FAM120A: variants seen among roughly 807,000 people sequenced by gnomAD.
FAM120A encodes the protein constitutive coactivator of PPAR-gamma-like protein 1.
A neutral mutation model predicts 109.7 loss-of-function variants in FAM120A; 15 were observed. The ratio of observed to expected loss-of-function variants is 0.14; its 90% CI spans 0.09 to 0.21. The LOEUF (loss-of-function observed/expected upper bound fraction) is 0.21. FAM120A is among the 10% of genes least tolerant of loss of function. FAM120A has a pLI of 1.00. For synonymous variants in FAM120A, 493 were observed against 572.8 expected, an observed-to-expected ratio of 0.86 and a Z score of 1.99; for missense variants, 899 against 1,439.3, an observed-to-expected ratio of 0.62 and a Z score of 6.07.
In FAM120A at chr9:93,452,185, C is replaced by T. The variant is rs752079061; in HGVS notation, c.270C>T (p.Ile90=). Reference sequence around the variant, plus strand: ...CCAAGGCCTGCTTCGGCGGCAACATCGAGCTCTTCGTCTTCTTCAACGGCG... The same window carrying T: ...CCAAGGCCTGCTTCGGCGGCAACATTGAGCTCTTCGTCTTCTTCAACGGCG... ...ALAKACFGGN[I]ELFVFFNGAL... Residue 90 remains isoleucine, a synonymous_variant, in exon 1 of 18, where the codon ATC becomes ATT. Coordinates refer to ENST00000277165, the MANE Select transcript of FAM120A (RefSeq NM_014612.5). The surrounding 1 kb of genome is among the most constrained non-coding windows in gnomAD (Gnocchi z 7.0). 1.9e-6 allele frequency: 3 copies of T among 1,612,036 alleles called. No homozygotes were observed. The East Asian group carries it at 6.7e-5, about 36-fold the overall frequency.
chr9:93,545,779 C>CTTTTTTTTTTTTTTTTTTTT (rs1564355502), intron 11 of FAM120A, among the ~76,000 whole-genome samples: 1 of 86,994 alleles, frequency 1.1e-5, no homozygotes, highest in African/African-American at 4.3e-5. Context: ...GGGAAAGACT[C>CTTTTTTTTTTTTTTTTTTTT]CTTTTTTTTT....
chr9:93,558,327 T>G (rs1862363012), intron 14 of FAM120A, among the ~76,000 whole-genome samples: 1 of 152,246 alleles, frequency 6.6e-6, no homozygotes, highest in South Asian at 2.1e-4. Context: ...AGAGCCATCT[T>G]CCAGGACTCA....
intron 11 of FAM120A, among the ~76,000 whole-genome samples, chr9:93,547,169 G>T (rs1271166750): frequency 6.6e-6 from 1 of 152,148 alleles, no homozygotes; most frequent in East Asian, 1.9e-4. Context: ...GTCTTTTTGG[G>T]GATGCAGCAT....
At chr9:93,537,687 AG>A (rs1464879029) in intron 10 of FAM120A, among the ~76,000 whole-genome samples, 1 of 152,136 alleles carries the variant, frequency 6.6e-6, no homozygotes, top group Non-Finnish European at 1.5e-5. Flanking sequence ...TTCCTGGTAT[AG>A]TTTGCTTCAG....
intron 5 of FAM120A, among the ~76,000 whole-genome samples, chr9:93,511,583 A>G (rs1860324621): frequency 1.3e-5 from 2 of 152,174 alleles, no homozygotes; most frequent in South Asian, 4.1e-4. Context: ...TTTCCTTTCT[A>G]TAACTTTTTA....
intron 7 of FAM120A, among the ~76,000 whole-genome samples, chr9:93,517,779 G>A (rs552949255): frequency 6.6e-5 from 10 of 152,306 alleles, no homozygotes; most frequent in African/African-American, 2.4e-4. Context: ...TGAGGTGCTT[G>A]TTCCTCCGGT....
chr9:93,481,202 A>G (rs1380161778), intron 3 of FAM120A, among the ~76,000 whole-genome samples: 136 of 152,360 alleles, frequency 8.9e-4, no homozygotes, highest in Non-Finnish European at 1.3e-4. Flanking sequence ...CCCTGGCTGT[A>G]GACATGTGCT....
intron 1 of FAM120A, among the ~76,000 whole-genome samples, chr9:93,458,775 C>T (rs949672502): frequency 6.6e-6 from 1 of 152,156 alleles, no homozygotes; most frequent in Non-Finnish European, 1.5e-5. Flanking sequence ...TACCCCCGCG[C>T]CCCAGTGGAA....
chr9:93,498,712 G>A lies in FAM120A; in HGVS notation c.934-78G>A, dbSNP rs1859678699. ...AAAAGCTGTAGAATATTATACATGT[G>A]CTGAATTATAAAAAACATTGTGATA... On this transcript the variant is annotated intron_variant, in intron 4 of 17. Transcript: ENST00000277165. This position sits in a 1 kb window ranked among gnomAD's most constrained non-coding sequence, Gnocchi z 4.4. The A allele has an allele frequency of 7.1e-6, 6 of 849,242 alleles. No homozygotes were observed. In the South Asian group the frequency reaches 8.2e-5, roughly 12 times the overall value. The allele number at this position is 849,242 out of a possible 1,614,324, so 52.6% of individuals were successfully genotyped here. A position where few individuals can be genotyped will look rare whatever the true frequency, so the allele number is the denominator to read the frequency against.
chr9:93,474,862 G>A (rs538318467), intron 2 of FAM120A, among the ~76,000 whole-genome samples: 32 of 152,264 alleles, frequency 2.1e-4, no homozygotes, highest in African/African-American at 7.5e-4. Flanking sequence ...CAAAGTGCTG[G>A]GATTATAGGT....
chr9:93,550,488 G>A lies in FAM120A; in HGVS notation c.2160-89G>A, dbSNP rs1862059541. On this transcript the variant is annotated intron_variant, in intron 11 of 17. Transcript: ENST00000277165. ...TGGGTCTTCTTAGCTCACATCATCCGGGATTTACCTAGAACCTCCCACTGG... is the reference window on the plus strand; with the variant it reads ...TGGGTCTTCTTAGCTCACATCATCCAGGATTTACCTAGAACCTCCCACTGG... 5 of 904,230 alleles carry A rather than the reference G, an allele frequency of 5.5e-6. No individual in the cohort carries two copies. The South Asian group carries it at 6.6e-5, about 12-fold the overall frequency. The allele number at this position is 904,230 out of a possible 1,614,324, so 56.0% of individuals were successfully genotyped here.
intron 1 of FAM120A, among the ~76,000 whole-genome samples, chr9:93,468,405 G>A (rs1404061345): frequency 6.6e-6 from 1 of 152,238 alleles, no homozygotes; most frequent in Non-Finnish European, 1.5e-5. Context: ...CTGTTGGAGA[G>A]ACATATATGT....
chr9:93,531,853 A>G (rs983298184), intron 9 of FAM120A, among the ~76,000 whole-genome samples: 1 of 152,266 alleles, frequency 6.6e-6, no homozygotes, highest in Non-Finnish European at 1.5e-5. Flanking sequence ...TTCTTGTCTG[A>G]TGTTATCTGT....
rs57604237 is a variant in FAM120A, at chr9:93,500,444, G to A, written c.1030+1558G>A. Among the ~76,000 whole-genome samples, 3,681 of 152,218 alleles carry A rather than the reference G, an allele frequency of 0.024. 164 individuals are homozygous for A. Among genetic ancestry groups the A allele is most frequent in the African/African-American group, 0.083 (3,466 of 41,518 alleles). On this transcript the variant is annotated intron_variant, in intron 5 of 17. Coordinates refer to ENST00000277165, the MANE Select transcript of FAM120A (RefSeq NM_014612.5). The surrounding 1 kb of genome is among the most constrained non-coding windows in gnomAD (Gnocchi z 4.6). ...TCTGATTTGTGAGATCCAGGCTGTC[G>A]TGTTCTCCAAGGTCTGCCTGGCTTT...
Position 93,545,780 on chromosome 9 carries a change from C to CTTTTTTTTTTTTTTTTTTTTTTTTT in FAM120A, c.2159+2311_2159+2335dup, listed in dbSNP as rs774150537. 8.4e-4 allele frequency among the ~76,000 whole-genome samples: 55 copies of CTTTTTTTTTTTTTTTTTTTTTTTTT among 65,512 alleles called. 8 individuals carry two copies. Among genetic ancestry groups the CTTTTTTTTTTTTTTTTTTTTTTTTT allele is most frequent in the Non-Finnish European group, 1.4e-3 (47 of 34,770 alleles). 43.0% of individuals were successfully genotyped at this position (65,512 alleles called of 152,430 possible). A position where few individuals can be genotyped will look rare whatever the true frequency, so the allele number is the denominator to read the frequency against. On this transcript the variant is annotated intron_variant, in intron 11 of 17. Transcript: ENST00000277165. The stretch of plus-strand genomic sequence containing the variant: ...GAAGACTGGCTGATGGGAAAGACTC[C>CTTTTTTTTTTTTTTTTTTTTTTTTT]TTTTTTTTTTTTTTTTTTTTTTTTT...
intron 3 of FAM120A, among the ~76,000 whole-genome samples, chr9:93,488,314 C>G (rs1164883157): frequency 6.6e-6 from 1 of 152,168 alleles, no homozygotes; most frequent in East Asian, 1.9e-4. Context: ...TTGCTTTTGT[C>G]AAGACCATGG....
At chr9:93,484,038 C>CTTT (rs202025202) in intron 3 of FAM120A, among the ~76,000 whole-genome samples, 1 of 144,418 alleles carries the variant, frequency 6.9e-6, no homozygotes, top group African/African-American at 2.5e-5. Context: ...CTGTGTCTCT[C>CTTT]TTTTTTTTTT....
chr9:93,471,801 A>G (rs1858325385), intron 2 of FAM120A, among the ~76,000 whole-genome samples: 2 of 152,186 alleles, frequency 1.3e-5, no homozygotes, highest in African/African-American at 4.8e-5. Flanking sequence ...TTTTCGGGAT[A>G]CTCACTACTT....
At chr9:93,488,703 G>A (rs1285676293) in intron 3 of FAM120A, among the ~76,000 whole-genome samples, 1 of 151,838 alleles carries the variant, frequency 6.6e-6, no homozygotes. Flanking sequence ...TACCACCACC[G>A]ACCCTGCCAT....
Sources: allele counts gnomAD v4.1 joint callset (sites outside exome capture counted in the v4.1 genomes callset), GRCh38; gene constraint gnomAD v4.1.1; non-coding constraint Gnocchi (gnomAD v3.1); transcripts MANE v1.5; gene names NCBI Gene and HGNC (gene_info 2026-07-23, HGNC 2026-07-21).